GRM7: variants seen among roughly 807,000 people sequenced by gnomAD.
GRM7 encodes the protein glutamate metabotropic receptor 7.
GRM7 carries 35 observed loss-of-function variants against 84.5 expected under a neutral mutation model. The ratio of observed to expected loss-of-function variants is 0.41; its 90% CI spans 0.32 to 0.55. GRM7 has a LOEUF of 0.55. GRM7 is among the 20% of genes least tolerant of loss of function. The pLI, the probability that GRM7 is intolerant of heterozygous loss-of-function variation, is 0.19. For synonymous variants in GRM7, 487 were observed against 455.1 expected (o/e 1.07, Z -0.89); for missense variants, 1,003 against 1,194.6 (o/e 0.84, Z 2.36).
Position 7,501,102 on chromosome 3 carries a change from A to T in GRM7, c.1515+39380A>T, listed in dbSNP as rs1171009258. Among the ~76,000 whole-genome samples the T allele has an allele frequency of 3.3e-5, 5 of 152,218 alleles. No homozygotes were observed. The East Asian group carries it at 7.7e-4, about 23-fold the overall frequency. ...TCTTTATTGACTATATAGAGTGTTG[A>T]CTTTATTATTGAGTACCTAAAATAT... On this transcript the variant is annotated intron_variant, in intron 7 of 9. Coordinates refer to ENST00000357716, the MANE Select transcript of GRM7 (RefSeq NM_000844.4).
chr3:7,007,765 A>G (rs1238884769), intron 1 of GRM7, among the ~76,000 whole-genome samples: 3 of 152,230 alleles, frequency 2.0e-5, no homozygotes, highest in Admixed American at 6.5e-5. Context: ...TTCTTGAAGA[A>G]GAAAACACTA....
At chr3:7,103,749 CCTTT>C (rs55840104) in intron 1 of GRM7, among the ~76,000 whole-genome samples, 15,072 of 95,636 alleles carry the variant, frequency 0.16, 1,051 homozygotes, top group Middle Eastern at 0.21. Context: ...TCTCTCTCTC[CCTTT>C]CTTTCTTTCT....
At chr3:7,664,527 A>T (rs1292007344) in intron 8 of GRM7, among the ~76,000 whole-genome samples, 1 of 152,098 alleles carries the variant, frequency 6.6e-6, no homozygotes, top group Non-Finnish European at 1.5e-5. Context: ...CTTTTTTATT[A>T]TGCTTTAAGT....
intron 2 of GRM7, among the ~76,000 whole-genome samples, chr3:7,270,623 CAA>C (rs1698818775): frequency 6.6e-6 from 1 of 152,162 alleles, no homozygotes; most frequent in African/African-American, 2.4e-5. Context: ...TTCTCATCCT[CAA>C]AGTGTAGTTT....
chr3:7,212,806 A>G (rs941716261), intron 2 of GRM7, among the ~76,000 whole-genome samples: 3 of 152,224 alleles, frequency 2.0e-5, no homozygotes, highest in Non-Finnish European at 4.4e-5. Flanking sequence ...TTGTTCAACA[A>G]TTCAACAAAT....
chr3:6,866,470 C>A (rs958718694), intron 1 of GRM7, among the ~76,000 whole-genome samples: 1 of 152,012 alleles, frequency 6.6e-6, no homozygotes, highest in Non-Finnish European at 1.5e-5. Context: ...TTTGTGGGAA[C>A]TTTTAAAATA....
chr3:6,904,742 A>G (rs1390060750), intron 1 of GRM7, among the ~76,000 whole-genome samples: 1 of 150,910 alleles, frequency 6.6e-6, no homozygotes, highest in Non-Finnish European at 1.5e-5. Context: ...TTCTTTTGAG[A>G]TGAGGTCTCA....
chr3:7,439,230 C>G (rs1440683884), intron 5 of GRM7, among the ~76,000 whole-genome samples: 1 of 152,068 alleles, frequency 6.6e-6, no homozygotes, highest in Admixed American at 6.6e-5. Context: ...ACTACCTTTC[C>G]AAGGGCATTT....
chr3:7,308,102 C>A (rs1263708044), intron 4 of GRM7, among the ~76,000 whole-genome samples: 6 of 152,158 alleles, frequency 3.9e-5, no homozygotes, highest in African/African-American at 1.4e-4. Context: ...ACAAATAATT[C>A]ATTCTGCAGC....
intron 4 of GRM7, among the ~76,000 whole-genome samples, chr3:7,311,459 G>T (rs1399820391): frequency 4.0e-5 from 6 of 151,458 alleles, no homozygotes; most frequent in Admixed American, 3.9e-4. Context: ...GACTCTCAAT[G>T]GACTAATGGA....
intron 7 of GRM7, among the ~76,000 whole-genome samples, chr3:7,498,182 CT>C (rs1048311881): frequency 4.6e-5 from 7 of 151,338 alleles, no homozygotes; most frequent in African/African-American, 1.7e-4. Flanking sequence ...CCTTGCCTCC[CT>C]TTTTTTTTAT....
chr3:7,456,661 T>C (rs529739462), intron 6 of GRM7, among the ~76,000 whole-genome samples: 8 of 149,144 alleles, frequency 5.4e-5, no homozygotes, highest in African/African-American at 2.0e-4. Context: ...TGAGGTTGCA[T>C]GGGAATTTCA....
chr3:7,060,384 T>A (rs996968704), intron 1 of GRM7, among the ~76,000 whole-genome samples: 2 of 151,764 alleles, frequency 1.3e-5, no homozygotes, highest in African/African-American at 4.8e-5. Context: ...TTTCACTGAC[T>A]GAGTAGGGGC....
At chr3:7,554,029 C>A (rs113555347) in intron 7 of GRM7, among the ~76,000 whole-genome samples, 4,038 of 152,256 alleles carry the variant, frequency 0.027, 93 homozygotes, top group Non-Finnish European at 0.034. Context: ...TCTCATGTCT[C>A]AGTGCAGCGT....
At position 7,491,425 on chromosome 3, in the gene GRM7, T is replaced by C. The variant is rs867005135; in HGVS notation, c.1515+29703T>C. Among the ~76,000 whole-genome samples, 6 of 151,998 alleles carry C rather than the reference T, an allele frequency of 3.9e-5. No homozygotes were observed. The East Asian group carries it at 5.8e-4, about 15-fold the overall frequency. On this transcript the variant is annotated intron_variant, in intron 7 of 9. Transcript: ENST00000357716. ...ATGATTTAGATGGTATATATATATA[T>C]ATATATAGTGAGATTATTAGGACAT... is the stretch of plus-strand genomic sequence containing the variant.
At position 6,928,076 on chromosome 3, in the gene GRM7, C is replaced by T. The variant is rs934299495; in HGVS notation, c.519+66169C>T. ...CATTTGAAATTATTTCAGTTATATCCCTTTTATCTGTTTTGCTCCTTTTTT... is the reference window on the plus strand; with the variant it reads ...CATTTGAAATTATTTCAGTTATATCTCTTTTATCTGTTTTGCTCCTTTTTT... On this transcript the variant is annotated intron_variant, in intron 1 of 9. Transcript: ENST00000357716. The surrounding 1 kb of genome is among the most constrained non-coding windows in gnomAD (Gnocchi z 4.5). Among the ~76,000 whole-genome samples, 1 of 151,986 alleles carries T rather than the reference C, an allele frequency of 6.6e-6. No homozygotes were observed. Among genetic ancestry groups the T allele is most frequent in the Admixed American group, 6.6e-5 (1 of 15,242 alleles).
intron 1 of GRM7, among the ~76,000 whole-genome samples, chr3:7,057,545 G>A (rs1418333360): frequency 6.6e-6 from 1 of 151,772 alleles, no homozygotes; most frequent in Admixed American, 6.6e-5. Flanking sequence ...CAAATCAAAT[G>A]TTTTTTCTTC....
chr3:6,905,833 G>C (rs1022009875), intron 1 of GRM7, among the ~76,000 whole-genome samples: 2 of 152,068 alleles, frequency 1.3e-5, no homozygotes, highest in African/African-American at 4.8e-5. Context: ...TCATTGGGTG[G>C]TTCTTATCCC....
chr3:7,705,075 G>A (rs1165551527), intron 9 of GRM7, among the ~76,000 whole-genome samples: 1 of 152,086 alleles, frequency 6.6e-6, no homozygotes, highest in African/African-American at 2.4e-5. Flanking sequence ...CCAAGGTCTA[G>A]AGGGTGATCC....
Sources: allele counts gnomAD v4.1 joint callset (sites outside exome capture counted in the v4.1 genomes callset), GRCh38; gene constraint gnomAD v4.1.1; non-coding constraint Gnocchi (gnomAD v3.1); transcripts MANE v1.5; gene names NCBI Gene and HGNC (gene_info 2026-07-23, HGNC 2026-07-21).